Variants in NTM observed in about 807,000 individuals in gnomAD.
NTM encodes the protein neurotrimin, also known as IgLON family member 2.
A neutral mutation model predicts 42.1 loss-of-function variants in NTM; 13 were observed. The ratio of observed to expected loss-of-function variants is 0.31; its 90% CI spans 0.20 to 0.49. NTM has a LOEUF of 0.49. Among genes scored for constraint, NTM ranks in the 20% least tolerant of loss-of-function variants. The probability of loss-of-function intolerance (pLI) is 0.99; values close to 1 mark genes in which losing one functional copy is unlikely to be tolerated. For synonymous variants in NTM, 187 were observed against 179.2 expected (o/e 1.04, Z -0.35); for missense variants, 373 against 452.8 (o/e 0.82, Z 1.60).
At chr11:131,699,909 GGTGTGTGTGTGT>G (rs10577927) in intron 1 of NTM, among the ~76,000 whole-genome samples, 2,005 of 130,554 alleles carry the variant, frequency 0.015, 49 homozygotes, top group African/African-American at 0.049. Context: ...CAAAGCAGCA[GGTGTGTGTGTGT>G]GTGTGTGTGT....
intron 1 of NTM, among the ~76,000 whole-genome samples, chr11:131,555,111 A>G (rs1205468212): frequency 6.6e-6 from 1 of 152,180 alleles, no homozygotes; most frequent in East Asian, 1.9e-4. Context: ...GCAGTGAGCT[A>G]TGGTCGTGCC....
intron 2 of NTM, among the ~76,000 whole-genome samples, chr11:132,036,360 G>T (rs1452434177): frequency 2.0e-5 from 3 of 152,140 alleles, no homozygotes; most frequent in South Asian, 2.1e-4. Context: ...GGGGGAAATT[G>T]GGTGTAAGGA....
intron 1 of NTM, among the ~76,000 whole-genome samples, chr11:131,787,898 A>AT (rs898952840): frequency 2.0e-5 from 3 of 152,144 alleles, no homozygotes; most frequent in Non-Finnish European, 2.9e-5. Context: ...GATAGCATCC[A>AT]TTTTTTTCTA....
intron 2 of NTM, among the ~76,000 whole-genome samples, chr11:132,072,328 C>T (rs760743879): frequency 2.0e-5 from 3 of 152,088 alleles, no homozygotes; most frequent in Non-Finnish European, 2.9e-5. Flanking sequence ...CTCAGACTCC[C>T]GTAGGGAAGT....
At chr11:131,450,455 T>C (rs1020602300) in intron 1 of NTM, among the ~76,000 whole-genome samples, 5 of 152,150 alleles carry the variant, frequency 3.3e-5, no homozygotes, top group African/African-American at 1.2e-4. Flanking sequence ...TCTCCCTTTT[T>C]TATTTGATGA....
chr11:131,561,652 A>G (rs2056241574), intron 1 of NTM, among the ~76,000 whole-genome samples: 1 of 152,212 alleles, frequency 6.6e-6, no homozygotes, highest in Non-Finnish European at 1.5e-5. Context: ...GCTGGGGGAC[A>G]GGCAGGAGGT....
chr11:131,870,398 T>C (rs1213012263), intron 1 of NTM, among the ~76,000 whole-genome samples: 1 of 152,164 alleles, frequency 6.6e-6, no homozygotes, highest in African/African-American at 2.4e-5. Flanking sequence ...TGGCTCCTGG[T>C]TGAATATTGG....
At chr11:131,803,621 A>T (rs1194954847) in intron 1 of NTM, among the ~76,000 whole-genome samples, 2 of 152,190 alleles carry the variant, frequency 1.3e-5, no homozygotes, top group Non-Finnish European at 1.5e-5. Context: ...TCACTGACTT[A>T]TTAATTATCA....
At chr11:132,237,397 T>C (rs777331391) in intron 4 of NTM, among the ~76,000 whole-genome samples, 8 of 152,200 alleles carry the variant, frequency 5.3e-5, no homozygotes, top group Non-Finnish European at 1.2e-4. Flanking sequence ...TCCCAGAGTT[T>C]CTGTCAGATT....
chr11:131,766,812 A>G (rs1203491362), intron 1 of NTM, among the ~76,000 whole-genome samples: 1 of 152,034 alleles, frequency 6.6e-6, no homozygotes, highest in Admixed American at 6.5e-5. Context: ...CTTCATTCTT[A>G]CACATCCCAT....
intron 2 of NTM, among the ~76,000 whole-genome samples, chr11:132,015,265 G>T (rs564051355): frequency 2.0e-5 from 3 of 151,882 alleles, no homozygotes; most frequent in Non-Finnish European, 4.4e-5. Context: ...CTGATTTTAT[G>T]CCAATACCAT....
At chr11:131,408,161 C>T (rs1008461338) in intron 1 of NTM, among the ~76,000 whole-genome samples, 4 of 152,140 alleles carry the variant, frequency 2.6e-5, no homozygotes, top group Non-Finnish European at 4.4e-5. Context: ...GTTGTTCTGT[C>T]GATTGAGAGA....
intron 1 of NTM, among the ~76,000 whole-genome samples, chr11:131,827,685 G>A (rs551016659): frequency 6.6e-5 from 10 of 152,140 alleles, no homozygotes; most frequent in Non-Finnish European, 8.8e-5. Flanking sequence ...TCAACTAAGA[G>A]AGAAAACAAA....
rs139332965 is a variant in NTM at position 132,146,252 on chromosome 11, C to T, written c.168-30C>T. 5.2e-4 allele frequency: 843 copies of T among 1,612,906 alleles called. No individual in the cohort carries two copies. Among genetic ancestry groups the T allele is most frequent in the Middle Eastern group, 6.6e-4 (4 of 6,026 alleles). ...GATGGCTGCTGTCGTCTCTCAGTCCCTTGACGTACCTGTCTGGTCTTCCCT... is the reference window on the plus strand; with the variant it reads ...GATGGCTGCTGTCGTCTCTCAGTCCTTTGACGTACCTGTCTGGTCTTCCCT... On this transcript the variant is annotated intron_variant, in intron 2 of 8. Transcript: ENST00000683400. This position sits in a 1 kb window ranked among gnomAD's most constrained non-coding sequence, Gnocchi z 4.5.
rs186519794 is a variant in NTM at position 131,748,332 on chromosome 11, C to G, written c.83-163232C>G. On this transcript the variant is annotated intron_variant, in intron 1 of 8. Transcript: ENST00000683400. ...TTGTCTGAAAATAGTGGCAGAGCAG[C>G]AGATAATTCTGGATTCTCACCGGCA... is the stretch of plus-strand genomic sequence containing the variant. Among the ~76,000 whole-genome samples the G allele has an allele frequency of 5.9e-5, 9 of 152,350 alleles. No individual in the cohort carries two copies. In the East Asian group the frequency reaches 1.7e-3, roughly 29 times the overall value.
At position 131,540,728 on chromosome 11, in the gene NTM, G is replaced by A. The variant is rs2053114541; in HGVS notation, c.82+169840G>A. 2.0e-5 allele frequency: 3 copies of A among 152,308 alleles called. No homozygotes were observed. The South Asian group carries it at 6.2e-4, about 32-fold the overall frequency. 9.4% of individuals were successfully genotyped at this position (152,308 alleles called of 1,614,324 possible). A position where few individuals can be genotyped will look rare whatever the true frequency, so the allele number is the denominator to read the frequency against. The stretch of plus-strand genomic sequence containing the variant: ...CAGTAAACAGAACTTAAAGGAACAG[G>A]CCTTTGCATGGCAGCCCAGCTGAAT... On this transcript the variant is annotated intron_variant, in intron 1 of 8. Transcript: ENST00000683400.
At chr11:131,569,356 G>A (rs1316745590) in intron 1 of NTM, among the ~76,000 whole-genome samples, 1 of 151,324 alleles carries the variant, frequency 6.6e-6, no homozygotes, top group African/African-American at 2.4e-5. Flanking sequence ...ATGTTGGCCA[G>A]GCTGGTCTCG....
chr11:132,053,571 G>A (rs2079163183), intron 2 of NTM, among the ~76,000 whole-genome samples: 1 of 152,192 alleles, frequency 6.6e-6, no homozygotes. Context: ...GGGGAATGTA[G>A]AGGGATTAAT....
At chr11:131,409,054 T>G (rs1946103846) in intron 1 of NTM, among the ~76,000 whole-genome samples, 1 of 152,200 alleles carries the variant, frequency 6.6e-6, no homozygotes, top group Non-Finnish European at 1.5e-5. Context: ...AGACATTATC[T>G]GCACCCTCCA....
Sources: gnomAD v4.1 joint callset for allele counts (sites outside exome capture counted in the v4.1 genomes callset) on GRCh38, gnomAD v4.1.1 for gene constraint, Gnocchi (gnomAD v3.1) non-coding constraint, MANE v1.5 for transcripts, NCBI Gene and HGNC (gene_info 2026-07-23, HGNC 2026-07-21) for gene names.